Variants in CATSPER3 observed in about 807,000 individuals in gnomAD.
CATSPER3 encodes the protein cation channel sperm-associated protein 3.
A neutral mutation model predicts 36.6 loss-of-function variants in CATSPER3; 23 were observed. That is an observed-to-expected ratio of 0.63 (90% CI 0.45 to 0.89). CATSPER3 has a LOEUF of 0.89. Among genes scored for constraint, CATSPER3 ranks in the 40% least tolerant of loss-of-function variants. The pLI is 0.00. For missense variants in CATSPER3, 474 were observed against 503.9 expected (o/e 0.94, Z 0.57); for synonymous variants, 172 against 184.1 (o/e 0.93, Z 0.53).
At position 134,986,458 on chromosome 5, in the gene CATSPER3, C is replaced by CTT. The variant is rs61671231; in HGVS notation, c.253-9795_253-9794dup. ...TGTGCCTGGCCTTAAACAGCATACC[C>CTT]TTTTTTTTTTTTTTTTTTTTTGAGA... is the stretch of plus-strand genomic sequence containing the variant. On this transcript the variant is annotated intron_variant, in intron 2 of 7. Coordinates refer to ENST00000282611, the MANE Select transcript of CATSPER3 (RefSeq NM_178019.3). 1.2e-3 allele frequency among the ~76,000 whole-genome samples: 137 copies of CTT among 116,592 alleles called. 1 individual carries two copies. Among genetic ancestry groups the CTT allele is most frequent in the African/African-American group, 2.0e-3 (53 of 26,520 alleles). The allele number at this position is 116,592 out of a possible 152,430, so 76.5% of individuals were successfully genotyped here.
At chr5:134,973,752 C>A (rs1335400290) in intron 2 of CATSPER3, among the ~76,000 whole-genome samples, 1 of 151,948 alleles carries the variant, frequency 6.6e-6, no homozygotes, top group African/African-American at 2.4e-5. Context: ...TACTACTGGC[C>A]AAAGATGGGA....
At chr5:134,979,632 C>T (rs536229946) in intron 2 of CATSPER3, among the ~76,000 whole-genome samples, 1 of 152,124 alleles carries the variant, frequency 6.6e-6, no homozygotes, top group Non-Finnish European at 1.5e-5. Flanking sequence ...AAGCAAACAA[C>T]GGACATACTG....
intron 6 of CATSPER3, 53 bp from the exon 7 acceptor site, chr5:135,010,320 A>G: frequency 6.6e-7 from 1 of 1,512,092 alleles, no homozygotes; most frequent in South Asian, 1.1e-5. Context: ...GTCTCTGTGC[A>G]GCTCGGCTGT....
At chr5:135,009,102 G>A (rs1752144047) in intron 5 of CATSPER3, 121 bp downstream of exon 5, 7 of 1,374,664 alleles carry the variant, frequency 5.1e-6, no homozygotes. Context: ...GTGGAGTAGA[G>A]GTGGCCAGAT....
intron 3 of CATSPER3, among the ~76,000 whole-genome samples, chr5:135,003,079 T>G (rs1266095401): frequency 1.3e-5 from 2 of 152,228 alleles, no homozygotes; most frequent in Admixed American, 1.3e-4. Flanking sequence ...CCCATCTTTG[T>G]GGTTTTATCT....
intron 4 of CATSPER3, 141 bp downstream of exon 4, chr5:135,008,280 C>G: frequency 1.4e-6 from 1 of 706,192 alleles, no homozygotes; most frequent in Non-Finnish European, 2.5e-6. Flanking sequence ...AAGCTGGGGT[C>G]TGTTCCCCAT....
intron 2 of CATSPER3, 75 bp downstream of exon 2, chr5:134,970,167 T>C: frequency 1.1e-5 from 17 of 1,487,418 alleles, no homozygotes; most frequent in Non-Finnish European, 1.6e-5. Context: ...ATAAGATTTT[T>C]TTTTTTTTCC....
chr5:134,981,219 A>G (rs553941391), intron 2 of CATSPER3, among the ~76,000 whole-genome samples: 5 of 151,840 alleles, frequency 3.3e-5, no homozygotes, highest in Middle Eastern at 3.4e-3. Flanking sequence ...GGCCGGGCAC[A>G]GTGGCTCATG....
chr5:134,993,895 C>T (rs377262353), intron 2 of CATSPER3, among the ~76,000 whole-genome samples: 27 of 152,244 alleles, frequency 1.8e-4, no homozygotes, highest in Middle Eastern at 6.8e-3. Context: ...GAGGCCAATG[C>T]GGGCAGATCA....
intron 3 of CATSPER3, among the ~76,000 whole-genome samples, chr5:134,999,073 C>G (rs748303699): frequency 1.2e-3 from 184 of 152,210 alleles, no homozygotes; most frequent in Non-Finnish European, 2.2e-3. Context: ...TTTAATCCAT[C>G]TTGAATTAAT....
At chr5:134,982,606 C>T (rs1751763439) in intron 2 of CATSPER3, among the ~76,000 whole-genome samples, 1 of 152,048 alleles carries the variant, frequency 6.6e-6, no homozygotes, top group Non-Finnish European at 1.5e-5. Context: ...CAAAATTATC[C>T]TTCAAAAATG....
chr5:134,985,997 C>T (rs1751803775), intron 2 of CATSPER3, among the ~76,000 whole-genome samples: 1 of 151,728 alleles, frequency 6.6e-6, no homozygotes, highest in African/African-American at 2.4e-5. Flanking sequence ...CACACACAGC[C>T]ATATATATAT....
rs148358697 is a variant in CATSPER3, at chr5:135,010,477, C to T, written c.1041C>T (p.Pro347=). Residue 347 remains proline (P), a synonymous_variant, in exon 7 of 8, where the codon CCC becomes CCT. Coordinates refer to ENST00000282611, the MANE Select transcript of CATSPER3 (RefSeq NM_178019.3). ...TGGATGATTTTGGCACTAGCTTACCCTTCATCGATATCTACTTTTCCACTC... is the reference window on the plus strand; with the variant it reads ...TGGATGATTTTGGCACTAGCTTACCTTTCATCGATATCTACTTTTCCACTC... ...MVLDDFGTSL[P]FIDIYFSTLD... 2.5e-6 allele frequency: 4 copies of T among 1,614,082 alleles called. No homozygotes were observed. In the East Asian group the frequency reaches 6.7e-5, roughly 27 times the overall value.
At chr5:134,987,872 C>A (rs1217542157) in intron 2 of CATSPER3, among the ~76,000 whole-genome samples, 1 of 152,152 alleles carries the variant, frequency 6.6e-6, no homozygotes, top group African/African-American at 2.4e-5. Flanking sequence ...AAAAGCCTTC[C>A]CCCTAAAATT....
intron 2 of CATSPER3, among the ~76,000 whole-genome samples, chr5:134,990,456 G>GGGGT (rs1395768487): frequency 6.6e-6 from 1 of 152,144 alleles, no homozygotes; most frequent in Admixed American, 6.5e-5. Flanking sequence ...AGTGAGCAGA[G>GGGGT]GGGTGACTTT....
At chr5:134,975,473 C>G (rs1360329707) in intron 2 of CATSPER3, 1 of 153,320 alleles carries the variant, frequency 6.5e-6, no homozygotes, top group Non-Finnish European at 1.4e-5. Flanking sequence ...AAAAAACAGG[C>G]ATGGTGCCAT....
At chr5:134,970,165 T>TC (rs1223519793) in intron 2 of CATSPER3, 73 bp downstream of exon 2, 19 of 1,479,962 alleles carry the variant, frequency 1.3e-5, no homozygotes, top group Middle Eastern at 1.7e-4. Flanking sequence ...TTATAAGATT[T>TC]TTTTTTTTTT....
intron 2 of CATSPER3, among the ~76,000 whole-genome samples, chr5:134,985,558 C>T (rs1462302024): frequency 1.3e-5 from 2 of 152,040 alleles, no homozygotes; most frequent in Non-Finnish European, 2.9e-5. Context: ...TCTAAAGTCC[C>T]AGACTTCCCT....
At position 135,008,688 on chromosome 5, in the gene CATSPER3, G is replaced by T. The variant is rs946108034; in HGVS notation, c.676-153G>T. On this transcript the variant is annotated intron_variant, in intron 4 of 7. Transcript: ENST00000282611. Reference sequence around the variant, plus strand: ...TGCATTCCCAGGCCATCACGTATGTGCTGGAGCCAGTGGACTGGGAGGTGT... The same window carrying T: ...TGCATTCCCAGGCCATCACGTATGTTCTGGAGCCAGTGGACTGGGAGGTGT... 8.5e-5 allele frequency among the ~76,000 whole-genome samples: 13 copies of T among 152,198 alleles called. 1 individual carries two copies. The highest frequency in any genetic ancestry group is 2.7e-4 in the African/African-American group (11 of 41,438).
Sources: allele counts gnomAD v4.1 joint callset (sites outside exome capture counted in the v4.1 genomes callset), GRCh38; gene constraint gnomAD v4.1.1; transcripts MANE v1.5; gene names NCBI Gene and HGNC (gene_info 2026-07-23, HGNC 2026-07-21).